RCAN2: variants seen among roughly 807,000 people sequenced by gnomAD.
RCAN2 encodes the protein calcipressin-2.
RCAN2 carries 9 observed loss-of-function variants against 23.6 expected under a neutral mutation model. The ratio of observed to expected loss-of-function variants is 0.38; its 90% CI spans 0.23 to 0.67. The LOEUF (loss-of-function observed/expected upper bound fraction) is 0.67, where lower values mean the gene tolerates loss of function less well. Among genes scored for constraint, RCAN2 ranks in the 30% least tolerant of loss-of-function variants. The probability of loss-of-function intolerance (pLI) is 0.51; values close to 1 mark genes in which losing one functional copy is unlikely to be tolerated. For missense variants in RCAN2, 273 were observed against 302.3 expected, an observed-to-expected ratio of 0.90 and a Z score of 0.72; for synonymous variants, 109 against 115.7, an observed-to-expected ratio of 0.94 and a Z score of 0.37.
At chr6:46,309,925 A>G (rs1047975015) in intron 2 of RCAN2, among the ~76,000 whole-genome samples, 5 of 152,176 alleles carry the variant, frequency 3.3e-5, no homozygotes, top group Non-Finnish European at 7.3e-5. Context: ...CTTCCAGCCT[A>G]AAAAAGCTAA....
At chr6:46,330,007 G>C (rs1021181910) in intron 2 of RCAN2, among the ~76,000 whole-genome samples, 11 of 152,152 alleles carry the variant, frequency 7.2e-5, no homozygotes, top group African/African-American at 2.7e-4. Context: ...TACAGCTATG[G>C]GTTGTCAAAG....
At chr6:46,426,181 G>T (rs761656420) in intron 2 of RCAN2, among the ~76,000 whole-genome samples, 1 of 151,960 alleles carries the variant, frequency 6.6e-6, no homozygotes, top group Non-Finnish European at 1.5e-5. Context: ...TTACAGGCAT[G>T]AGCCACCATG....
chr6:46,349,191 T>C (rs1764575693), intron 2 of RCAN2, among the ~76,000 whole-genome samples: 1 of 152,164 alleles, frequency 6.6e-6, no homozygotes, highest in Non-Finnish European at 1.5e-5. Flanking sequence ...GAGTCACTAA[T>C]AAGAGAAGGA....
At chr6:46,443,955 T>C (rs1204946865) in intron 2 of RCAN2, among the ~76,000 whole-genome samples, 1 of 152,218 alleles carries the variant, frequency 6.6e-6, no homozygotes, top group Non-Finnish European at 1.5e-5. Flanking sequence ...CAGCTGATTC[T>C]GGTAAATTCA....
At chr6:46,346,380 C>G (rs1304077054) in intron 2 of RCAN2, among the ~76,000 whole-genome samples, 1 of 152,056 alleles carries the variant, frequency 6.6e-6, no homozygotes, top group African/African-American at 2.4e-5. Flanking sequence ...CAGCATAATC[C>G]TGATGCCAAA....
chr6:46,285,231 C>T (rs1762334900), intron 2 of RCAN2, among the ~76,000 whole-genome samples: 1 of 152,210 alleles, frequency 6.6e-6, no homozygotes, highest in Non-Finnish European at 1.5e-5. Context: ...TTAATGATAA[C>T]ATGTGATGCT....
At chr6:46,243,063 A>G (rs1766361243) in intron 4 of RCAN2, among the ~76,000 whole-genome samples, 1 of 152,178 alleles carries the variant, frequency 6.6e-6, no homozygotes, top group African/African-American at 2.4e-5. Context: ...ACAGGAGGAG[A>G]CTGAAGGAGC....
chr6:46,292,573 C>T (rs1482228691), intron 2 of RCAN2, among the ~76,000 whole-genome samples: 7 of 151,602 alleles, frequency 4.6e-5, no homozygotes, highest in African/African-American at 1.4e-4. Flanking sequence ...CAGAAGCATT[C>T]TTAAATGTGA....
intron 2 of RCAN2, among the ~76,000 whole-genome samples, chr6:46,289,247 C>G (rs1302147892): frequency 1.3e-5 from 2 of 152,166 alleles, no homozygotes; most frequent in Admixed American, 6.6e-5. Context: ...TTTTTTCCCC[C>G]CAGGCCTGGG....
chr6:46,381,451 TCTA>T (rs1282731096), intron 2 of RCAN2, among the ~76,000 whole-genome samples: 1 of 152,086 alleles, frequency 6.6e-6, no homozygotes, highest in African/African-American at 2.4e-5. Context: ...AATATACAAA[TCTA>T]CTGAGAATGA....
intron 1 of RCAN2, among the ~76,000 whole-genome samples, chr6:46,478,829 T>C (rs183691529): frequency 1.2e-4 from 18 of 152,336 alleles, no homozygotes; most frequent in Admixed American, 7.2e-4. Flanking sequence ...CAGTATATTG[T>C]CATTATCTTC....
chr6:46,439,065 C>T (rs1386725631), intron 2 of RCAN2, among the ~76,000 whole-genome samples: 1 of 152,078 alleles, frequency 6.6e-6, no homozygotes, highest in Non-Finnish European at 1.5e-5. Flanking sequence ...AATCAGAAAA[C>T]AGCCTTTAGG....
chr6:46,228,691 C>T (rs897147350), intron 4 of RCAN2, among the ~76,000 whole-genome samples: 1 of 152,140 alleles, frequency 6.6e-6, no homozygotes, highest in Non-Finnish European at 1.5e-5. Context: ...GATGGGTCTC[C>T]TGAATACAGC....
intron 2 of RCAN2, among the ~76,000 whole-genome samples, chr6:46,354,376 T>A (rs1764758890): frequency 6.6e-6 from 1 of 152,128 alleles, no homozygotes; most frequent in Non-Finnish European, 1.5e-5. Context: ...CTCAAACTAG[T>A]GAAATCTAAA....
chr6:46,238,049 G>C (rs1172327711), intron 4 of RCAN2, among the ~76,000 whole-genome samples: 1 of 152,106 alleles, frequency 6.6e-6, no homozygotes, highest in Non-Finnish European at 1.5e-5. Flanking sequence ...ATAAATGACT[G>C]TTGTCTTAAG....
intron 4 of RCAN2, among the ~76,000 whole-genome samples, chr6:46,230,404 T>C (rs566802331): frequency 1.9e-4 from 29 of 152,318 alleles, no homozygotes; most frequent in Non-Finnish European, 3.7e-4. Context: ...CAGGCCTCCT[T>C]GAGCTGCAGT....
intron 1 of RCAN2, chr6:46,468,916 C>T: frequency 4.6e-6 from 4 of 872,552 alleles, no homozygotes; most frequent in Non-Finnish European, 5.5e-6. Flanking sequence ...CTTAACTTTA[C>T]TTGTTAGCAC....
intron 2 of RCAN2, among the ~76,000 whole-genome samples, chr6:46,327,081 C>A (rs1231889711): frequency 1.3e-5 from 2 of 152,190 alleles, no homozygotes; most frequent in Non-Finnish European, 2.9e-5. Flanking sequence ...AGCTCTGCAT[C>A]TGATACTCTC....
chr6:46,480,620 T>C (rs1254156592), intron 1 of RCAN2, among the ~76,000 whole-genome samples: 3 of 141,364 alleles, frequency 2.1e-5, no homozygotes, highest in Non-Finnish European at 4.7e-5. Flanking sequence ...ACTTATCATG[T>C]AGAGTTACTT....
Sources: gnomAD v4.1 joint callset for allele counts (sites outside exome capture counted in the v4.1 genomes callset) on GRCh38, gnomAD v4.1.1 for gene constraint, MANE v1.5 for transcripts, NCBI Gene and HGNC (gene_info 2026-07-23, HGNC 2026-07-21) for gene names.